Variants in EHMT1 observed in about 807,000 individuals in gnomAD.
EHMT1 encodes euchromatic histone lysine methyltransferase 1.
EHMT1 carries 15 observed loss-of-function variants against 147.2 expected under a neutral mutation model. That is an observed-to-expected ratio of 0.10 (90% CI 0.07 to 0.16). EHMT1 has a LOEUF of 0.16. Ranked by LOEUF, EHMT1 falls within the 10% of genes least tolerant of loss-of-function variation. The pLI is 1.00. For missense variants in EHMT1, 1,587 were observed against 1,772.4 expected (o/e 0.90, Z 1.88); for synonymous variants, 795 against 709.6 (o/e 1.12, Z -1.91).
chr9:137,726,093 T>TGTGTGTGTGTGTGTGTGC (rs1946599602), intron 3 of EHMT1, among the ~76,000 whole-genome samples: 1 of 151,970 alleles, frequency 6.6e-6, no homozygotes, highest in Non-Finnish European at 1.5e-5. Context: ...TTGTCGTGTG[T>TGTGTGTGTGTGTGTGTGC]GTGTGTGTGT....
chr9:137,792,595 C>T (rs1952606704), intron 16 of EHMT1, among the ~76,000 whole-genome samples: 1 of 152,114 alleles, frequency 6.6e-6, no homozygotes, highest in Admixed American at 6.5e-5. Context: ...ATCCCAGCTA[C>T]CTGGGAGGCT....
intron 18 of EHMT1, among the ~76,000 whole-genome samples, chr9:137,807,368 T>C (rs1431308553): frequency 6.6e-6 from 1 of 152,234 alleles, no homozygotes; most frequent in African/African-American, 2.4e-5. Context: ...ATTCTAGGCA[T>C]TGTCGTTTTC....
chr9:137,785,833 G>C (rs1390639549), intron 15 of EHMT1: 2 of 152,226 alleles, frequency 1.3e-5, no homozygotes, highest in Non-Finnish European at 2.9e-5. Flanking sequence ...ACGCCTGGGT[G>C]CCCTCCCCGG....
rs1483850995 is a variant in EHMT1, at chr9:137,835,445, G to A, written c.*492G>A. ...GGGGCCGAGTCCCAGGGGCCGCACG[G>A]AGGGCACAGTCTCCTGTCAGGCTCG... On this transcript the variant is annotated 3_prime_UTR_variant, in exon 27 of 27. Coordinates refer to ENST00000460843, the MANE Select transcript of EHMT1 (RefSeq NM_024757.5). 6.5e-6 allele frequency: 1 copy of A among 153,560 alleles called. No homozygotes were observed. Among genetic ancestry groups the A allele is most frequent in the Non-Finnish European group, 1.5e-5 (1 of 68,828 alleles). 9.5% of individuals were successfully genotyped at this position (153,560 alleles called of 1,614,324 possible). A position where few individuals can be genotyped will look rare whatever the true frequency, so the allele number is the denominator to read the frequency against.
intron 1 of EHMT1, among the ~76,000 whole-genome samples, chr9:137,701,082 T>C (rs1204932940): frequency 6.6e-6 from 1 of 151,850 alleles, no homozygotes; most frequent in Non-Finnish European, 1.5e-5. Flanking sequence ...AACAACCAGG[T>C]CTCATGAGAA....
At chr9:137,679,454 A>C (rs35383874) in intron 1 of EHMT1, among the ~76,000 whole-genome samples, 5,858 of 151,886 alleles carry the variant, frequency 0.039, 181 homozygotes, top group Non-Finnish European at 0.063. Context: ...TCATTTGCTG[A>C]TGTTTTGTTA....
At chr9:137,767,697 G>A (rs1309178313) in intron 10 of EHMT1, among the ~76,000 whole-genome samples, 3 of 152,048 alleles carry the variant, frequency 2.0e-5, no homozygotes, top group Non-Finnish European at 2.9e-5. Flanking sequence ...CTTGTAATCC[G>A]AGCTACTTGG....
chr9:137,696,051 C>T (rs1564600325), intron 1 of EHMT1, among the ~76,000 whole-genome samples: 1 of 151,750 alleles, frequency 6.6e-6, no homozygotes, highest in Non-Finnish European at 1.5e-5. Context: ...ATTTTAAAAT[C>T]CCTTAAATGT....
chr9:137,668,214 C>G (rs1589173262), intron 1 of EHMT1, among the ~76,000 whole-genome samples: 1 of 152,146 alleles, frequency 6.6e-6, no homozygotes, highest in Non-Finnish European at 1.5e-5. Context: ...TCCAGAGAGT[C>G]TAACTGACCT....
At chr9:137,636,883 A>G (rs1844114076) in intron 1 of EHMT1, among the ~76,000 whole-genome samples, 2 of 146,998 alleles carry the variant, frequency 1.4e-5, no homozygotes, top group African/African-American at 2.5e-5. Flanking sequence ...TTTTTTTTTG[A>G]GACAGTTTCA....
At chr9:137,758,801 A>G (rs1015243095) in intron 9 of EHMT1, among the ~76,000 whole-genome samples, 2 of 152,122 alleles carry the variant, frequency 1.3e-5, no homozygotes, top group Non-Finnish European at 2.9e-5. Flanking sequence ...TAATTCACCT[A>G]GGAAATCACA....
In EHMT1 at chr9:137,775,115, C is replaced by A. The variant is rs1369733741; in HGVS notation, c.1654C>A (p.Arg552=). 1.9e-6 allele frequency: 3 copies of A among 1,613,944 alleles called. No individual in the cohort carries two copies. Among genetic ancestry groups the A allele is most frequent in the South Asian group, 1.1e-5 (1 of 91,090 alleles). ...ATESVDHELG[R]CTNSVVKYEL... The stretch of plus-strand genomic sequence containing the variant: ...CAGTCTTGTCTGATTGCAGTTGGGC[C>A]GGTGCACAAACAGCGTGGTCAAGTA... Residue 552 remains arginine, a synonymous_variant, in exon 11 of 27, where the codon CGG becomes AGG. Coordinates refer to ENST00000460843, the MANE Select transcript of EHMT1 (RefSeq NM_024757.5). This position sits in a 1 kb window ranked among gnomAD's most constrained non-coding sequence, Gnocchi z 6.1.
chr9:137,749,274 T>G (rs536152358), intron 6 of EHMT1, among the ~76,000 whole-genome samples: 1 of 152,236 alleles, frequency 6.6e-6, no homozygotes, highest in South Asian at 2.1e-4. Context: ...CCTATTTACT[T>G]TATTATTTGT....
At chr9:137,759,580 A>C (rs552023707) in intron 9 of EHMT1, among the ~76,000 whole-genome samples, 1 of 152,316 alleles carries the variant, frequency 6.6e-6, no homozygotes, top group South Asian at 2.1e-4. Context: ...GCCGGAGGAG[A>C]AATGGCAGGG....
chr9:137,775,736 T>G lies in EHMT1; in HGVS notation c.1791+484T>G, dbSNP rs1049007180. Among the ~76,000 whole-genome samples, 1 of 151,944 alleles carries G rather than the reference T, an allele frequency of 6.6e-6. No individual in the cohort carries two copies. The highest frequency in any genetic ancestry group is 1.5e-5 in the Non-Finnish European group (1 of 67,964). ...GCTCCTGGGAGAGGTGGCAGCACCT[T>G]GCTGTGCCCTGGGCTGTTTCTGCTG... On this transcript the variant is annotated intron_variant, in intron 11 of 26. Transcript: ENST00000460843. The surrounding 1 kb of genome is among the most constrained non-coding windows in gnomAD (Gnocchi z 6.1).
Position 137,828,713 on chromosome 9 carries a change from C to T in EHMT1, c.3541-5636C>T, listed in dbSNP as rs1259138606. On this transcript the variant is annotated intron_variant, in intron 25 of 26. Coordinates refer to ENST00000460843, the MANE Select transcript of EHMT1 (RefSeq NM_024757.5). This position sits in a 1 kb window ranked among gnomAD's most constrained non-coding sequence, Gnocchi z 5.3. Reference sequence around the variant, plus strand: ...TTATTTTTAACGCACTGCACTAGAGCATCTCTAAGGCCGGTGGTTCTGGAC... The same window carrying T: ...TTATTTTTAACGCACTGCACTAGAGTATCTCTAAGGCCGGTGGTTCTGGAC... Among the ~76,000 whole-genome samples the T allele has an allele frequency of 6.6e-6, 1 of 152,162 alleles. No individual in the cohort carries two copies. The highest frequency in any genetic ancestry group is 1.5e-5 in the Non-Finnish European group (1 of 68,028).
chr9:137,623,541 AG>A (rs1843069844), intron 1 of EHMT1, among the ~76,000 whole-genome samples: 2 of 151,874 alleles, frequency 1.3e-5, no homozygotes, highest in Admixed American at 1.3e-4. Flanking sequence ...CAGCCTCCCA[AG>A]TAGCTGGGAT....
chr9:137,738,278 C>T (rs1031000353), intron 4 of EHMT1, among the ~76,000 whole-genome samples: 1 of 151,742 alleles, frequency 6.6e-6, no homozygotes, highest in African/African-American at 2.4e-5. Context: ...AAAGAAGATG[C>T]ACAAATGGCC....
intron 4 of EHMT1, among the ~76,000 whole-genome samples, chr9:137,741,272 C>T (rs1588467417): frequency 6.6e-6 from 1 of 152,308 alleles, no homozygotes; most frequent in Non-Finnish European, 1.5e-5. Flanking sequence ...AGCCACTGCG[C>T]CCGGCCGACA....
Sources: gnomAD v4.1 joint callset for allele counts (sites outside exome capture counted in the v4.1 genomes callset) on GRCh38, gnomAD v4.1.1 for gene constraint, Gnocchi (gnomAD v3.1) non-coding constraint, MANE v1.5 for transcripts, NCBI Gene and HGNC (gene_info 2026-07-23, HGNC 2026-07-21) for gene names.